The following ALPK2 variants were observed in gnomAD, a reference collection of about 807,000 sequenced individuals.
ALPK2 encodes alpha kinase 2, also known as alpha-protein kinase 2.
A neutral mutation model predicts 163.1 loss-of-function variants in ALPK2; 127 were observed. The ratio of observed to expected loss-of-function variants is 0.78; its 90% CI spans 0.67 to 0.90. The LOEUF (loss-of-function observed/expected upper bound fraction) is 0.90, where lower values mean the gene tolerates loss of function less well. ALPK2 is among the 40% of genes least tolerant of loss of function. ALPK2 has a pLI of 0.00. For missense variants in ALPK2, 2,360 were observed against 2,589.6 expected (o/e 0.91, Z 1.92); for synonymous variants, 953 against 959.1 (o/e 0.99, Z 0.12).
chr18:58,564,664 G>T (rs2051842448), intron 4 of ALPK2, among the ~76,000 whole-genome samples: 1 of 151,684 alleles, frequency 6.6e-6, no homozygotes, highest in South Asian at 2.1e-4. Context: ...TAAAATTAGG[G>T]ATTCACAGGA....
At chr18:58,525,190 C>A (rs1458078159) in intron 6 of ALPK2, among the ~76,000 whole-genome samples, 1 of 152,164 alleles carries the variant, frequency 6.6e-6, no homozygotes, top group Non-Finnish European at 1.5e-5. Context: ...AGACTTCAAG[C>A]CTCCAATATA....
At position 58,513,136 on chromosome 18, in the gene ALPK2, CTGTG is replaced by C. The variant is rs1305872102; in HGVS notation, c.6029+1853_6029+1856del. Among the ~76,000 whole-genome samples, 64 of 125,536 alleles carry C rather than the reference CTGTG, an allele frequency of 5.1e-4. 1 individual carries two copies. Among genetic ancestry groups the C allele is most frequent in the African/African-American group, 1.8e-3 (59 of 32,430 alleles). 82.4% of individuals were successfully genotyped at this position (125,536 alleles called of 152,430 possible). On this transcript the variant is annotated intron_variant, in intron 10 of 12. Transcript: ENST00000361673. ...TATGTGGTGTGTGTTTGTATGTAAT[CTGTG>C]TGGTATGTATGTGTGGTGTGGGGGT...
intron 6 of ALPK2, 131 bp downstream of exon 6, chr18:58,528,960 T>C: frequency 9.1e-7 from 1 of 1,095,178 alleles, no homozygotes; most frequent in South Asian, 1.4e-5. Flanking sequence ...TTTTTTAATA[T>C]TGTGGATGTG....
intron 12 of ALPK2, among the ~76,000 whole-genome samples, chr18:58,484,294 C>T (rs1281501868): frequency 2.0e-5 from 3 of 152,162 alleles, no homozygotes; most frequent in African/African-American, 4.8e-5. Flanking sequence ...GCGCACCTAG[C>T]CAAGCACTGT....
At chr18:58,566,646 ACTC>A (rs2051854805) in intron 4 of ALPK2, 1 of 152,054 alleles carries the variant, frequency 6.6e-6, no homozygotes, top group Non-Finnish European at 1.5e-5. Context: ...CCACTGAACT[ACTC>A]CTCAAAATAA....
In ALPK2 at chr18:58,537,329, A is replaced by G. The variant is rs768441156; in HGVS notation, c.2858T>C (p.Leu953Ser). 4 of 1,614,068 alleles carry G rather than the reference A, an allele frequency of 2.5e-6. No homozygotes were observed. The South Asian group carries it at 4.4e-5, about 18-fold the overall frequency. The change falls in exon 5 of 13, where the codon TTA becomes TCA. Residue 953 changes from leucine (L) to serine (S), a missense_variant. Physicochemically the swap from Leu to Ser is moderately radical, Grantham distance 145. Transcript: ENST00000361673. ...TQLLSSENNP[L>S]VQFKEGGDKS... is the part of the protein sequence containing the mutation. ...GTCACCTCCTTCTTTAAATTGCACT[A>G]AAGGATTGTTCTCAGAAGAAAGGAG...
At chr18:58,582,207 C>G (rs1481457923) in intron 3 of ALPK2, among the ~76,000 whole-genome samples, 1 of 152,164 alleles carries the variant, frequency 6.6e-6, no homozygotes, top group Non-Finnish European at 1.5e-5. Flanking sequence ...ACCTGCGCTC[C>G]TGTCTATTTC....
At chr18:58,569,577 C>T (rs1357820427) in intron 4 of ALPK2, among the ~76,000 whole-genome samples, 2 of 152,052 alleles carry the variant, frequency 1.3e-5, no homozygotes, top group African/African-American at 2.4e-5. Context: ...AGCTGGTCCG[C>T]GGACTACACC....
Position 58,529,240 on chromosome 18 carries a change from T to C in ALPK2, c.5354-2A>G. On this transcript the variant is annotated splice_acceptor_variant, in intron 5 of 12. Coordinates refer to ENST00000361673, the MANE Select transcript of ALPK2 (RefSeq NM_052947.4). LOFTEE classifies it high-confidence loss of function. Reference sequence around the variant, plus strand: ...GGATCTTTTTCAGTAATACTGGAGCTAGAAACAAGATATTTGAAGGTCAGT... The same window carrying C: ...GGATCTTTTTCAGTAATACTGGAGCCAGAAACAAGATATTTGAAGGTCAGT... 1 of 1,609,242 alleles carries C rather than the reference T, an allele frequency of 6.2e-7. No homozygotes were observed. The highest frequency in any genetic ancestry group is 8.5e-7 in the Non-Finnish European group (1 of 1,177,704).
chr18:58,528,788 C>A, intron 6 of ALPK2: 1 of 348,816 alleles, frequency 2.9e-6, no homozygotes, highest in South Asian at 2.7e-5. Flanking sequence ...ACCACAGAAC[C>A]TCAGACTAGA....
intron 4 of ALPK2, among the ~76,000 whole-genome samples, chr18:58,573,266 A>ATATATGTATATATGTG (rs1197357765): frequency 0.046 from 1,550 of 33,348 alleles, 129 homozygotes; most frequent in East Asian, 0.26. Flanking sequence ...ATATATGTGT[A>ATATATGTATATATGTG]TATATATGTA....
rs150444117 is a variant in ALPK2, at chr18:58,565,912, G to A, written c.1962+12902C>T. ...TTCTTCTGCCTCAGCCTCCCGAGTA[G>A]CTGGGACTACAGGCGTGCACCACCA... is the stretch of plus-strand genomic sequence containing the variant. On this transcript the variant is annotated intron_variant, in intron 4 of 12. Transcript: ENST00000361673. 9.8e-3 allele frequency among the ~76,000 whole-genome samples: 1,493 copies of A among 152,142 alleles called. 18 individuals carry two copies. The highest frequency in any genetic ancestry group is 0.034 in the African/African-American group (1,426 of 41,492).
At chr18:58,509,290 A>C (rs2051477499) in intron 10 of ALPK2, among the ~76,000 whole-genome samples, 1 of 152,034 alleles carries the variant, frequency 6.6e-6, no homozygotes, top group Non-Finnish European at 1.5e-5. Flanking sequence ...TCATCGTTGG[A>C]CATTTGGGTT....
intron 12 of ALPK2, among the ~76,000 whole-genome samples, chr18:58,491,621 A>C (rs1025647402): frequency 2.1e-4 from 32 of 152,262 alleles, no homozygotes; most frequent in African/African-American, 7.7e-4. Context: ...CCACCTGACC[A>C]ATCAGCACTA....
chr18:58,573,124 T>A (rs761865478), intron 4 of ALPK2, among the ~76,000 whole-genome samples: 5 of 151,762 alleles, frequency 3.3e-5, no homozygotes, highest in Non-Finnish European at 7.4e-5. Context: ...TTATACTTAG[T>A]GTATTCTGTT....
chr18:58,483,105 G>A lies in ALPK2; in HGVS notation c.6297-1066C>T, dbSNP rs117805549. Among the ~76,000 whole-genome samples, 1,460 of 152,286 alleles carry A rather than the reference G, an allele frequency of 9.6e-3. 9 individuals are homozygous for A. Among genetic ancestry groups the A allele is most frequent in the Non-Finnish European group, 0.016 (1,059 of 68,020 alleles). On this transcript the variant is annotated intron_variant, in intron 12 of 12. Coordinates refer to ENST00000361673, the MANE Select transcript of ALPK2 (RefSeq NM_052947.4). Reference sequence around the variant, plus strand: ...AGCCACATACCCTCCCCAATAAGTGGCATCTCCTTGAGATGTCCAAGGGTC... The same window carrying A: ...AGCCACATACCCTCCCCAATAAGTGACATCTCCTTGAGATGTCCAAGGGTC...
At chr18:58,625,559 G>C (rs76564294) in intron 1 of ALPK2, among the ~76,000 whole-genome samples, 5,070 of 152,314 alleles carry the variant, frequency 0.033, 247 homozygotes, top group African/African-American at 0.11. Flanking sequence ...TGGAGCCCAG[G>C]AACCTTTATT....
intron 9 of ALPK2, 114 bp from the exon 10 acceptor site, chr18:58,515,195 G>A (rs2051514939): frequency 2.7e-6 from 2 of 745,670 alleles, no homozygotes; most frequent in Non-Finnish European, 4.1e-6. Flanking sequence ...GAACTGACAA[G>A]CCCATCCCCT....
At position 58,611,810 on chromosome 18, in the gene ALPK2, C is replaced by G; in HGVS notation, c.-13G>C. 1 of 1,500,540 alleles carries G rather than the reference C, an allele frequency of 6.7e-7. No homozygotes were observed. Among genetic ancestry groups the G allele is most frequent in the Non-Finnish European group, 9.0e-7 (1 of 1,106,392 alleles). The allele number at this position is 1,500,540 out of a possible 1,614,324, so 93.0% of individuals were successfully genotyped here. On this transcript the variant is annotated 5_prime_UTR_variant, in exon 2 of 13. Coordinates refer to ENST00000361673, the MANE Select transcript of ALPK2 (RefSeq NM_052947.4). ...CGGAGTCTTTCATCCTTTCATGCCG[C>G]ACCAAATCTGAAAAAAAAAAAAATC...
Sources: allele counts gnomAD v4.1 joint callset (sites outside exome capture counted in the v4.1 genomes callset), GRCh38; gene constraint gnomAD v4.1.1; transcripts MANE v1.5; gene names NCBI Gene and HGNC (gene_info 2026-07-23, HGNC 2026-07-21).